Variants in KIAA0825 observed in about 807,000 individuals in gnomAD.
KIAA0825 encodes the protein KIAA0825, also known as uncharacterized protein KIAA0825.
KIAA0825 carries 119 observed loss-of-function variants against 147.6 expected under a neutral mutation model. The observed-to-expected ratio is 0.81, with a 90% CI of 0.69 to 0.94. The LOEUF is 0.94. KIAA0825 is among the 40% of genes least tolerant of loss of function. The pLI, the probability that KIAA0825 is intolerant of heterozygous loss-of-function variation, is 0.00. For synonymous variants in KIAA0825, 470 were observed against 518.1 expected (o/e 0.91, Z 1.26); for missense variants, 1,381 against 1,472.7 (o/e 0.94, Z 1.02).
At chr5:94,556,137 C>CAGAAT (rs1776505136) in intron 2 of KIAA0825, among the ~76,000 whole-genome samples, 1 of 151,888 alleles carries the variant, frequency 6.6e-6, no homozygotes, top group African/African-American at 2.4e-5. Flanking sequence ...ACTGTAACCT[C>CAGAAT]CGCCTCCTGG....
chr5:94,572,232 G>A (rs1429861084), intron 2 of KIAA0825, among the ~76,000 whole-genome samples: 1 of 152,212 alleles, frequency 6.6e-6, no homozygotes, highest in Non-Finnish European at 1.5e-5. Context: ...AGCAGGGCTG[G>A]CAGCATTAAG....
Position 94,520,387 on chromosome 5 carries a change from T to G in KIAA0825, c.831A>C (p.Glu277Asp). 6.2e-7 allele frequency: 1 copy of G among 1,613,396 alleles called. No homozygotes were observed. The highest frequency in any genetic ancestry group is 8.5e-7 in the Non-Finnish European group (1 of 1,179,438). The change falls in exon 5 of 21, where the codon GAA (glutamate) becomes GAC (aspartate). Residue 277 changes from glutamate to aspartate, a missense_variant. Glu to Asp is a conservative substitution (Grantham distance 45, BLOSUM62 2). Transcript: ENST00000682413. ...APSSMVKFIK[E>D]TYLDTVTEEM... ...CTTCTGTAACAGTATCCAGGTAAGT[T>G]TCTTTAATGAATTTCACCATTGAAG...
chr5:94,240,627 A>G (rs973224693), intron 20 of KIAA0825, among the ~76,000 whole-genome samples: 3 of 152,188 alleles, frequency 2.0e-5, no homozygotes, highest in African/African-American at 7.2e-5. Context: ...TCAAAACAGA[A>G]TGGATTAATC....
At chr5:94,449,912 C>T (rs969490672) in intron 13 of KIAA0825, among the ~76,000 whole-genome samples, 6 of 151,962 alleles carry the variant, frequency 3.9e-5, no homozygotes, top group African/African-American at 1.5e-4. Context: ...AACCCTGTCT[C>T]TACTAAAAAT....
At chr5:94,309,614 A>G (rs920832173) in intron 20 of KIAA0825, among the ~76,000 whole-genome samples, 4 of 151,756 alleles carry the variant, frequency 2.6e-5, no homozygotes, top group Non-Finnish European at 4.4e-5. Context: ...TGAGCCTTCA[A>G]TAACAATCAC....
intron 5 of KIAA0825, among the ~76,000 whole-genome samples, chr5:94,496,842 T>A (rs1764426626): frequency 6.6e-6 from 1 of 152,086 alleles, no homozygotes; most frequent in Non-Finnish European, 1.5e-5. Context: ...GGGTATTAAA[T>A]GAAAATGCTA....
At chr5:94,208,004 T>A (rs1216981688) in intron 20 of KIAA0825, among the ~76,000 whole-genome samples, 1 of 152,222 alleles carries the variant, frequency 6.6e-6, no homozygotes, top group Non-Finnish European at 1.5e-5. Flanking sequence ...TTTTGTTTTT[T>A]TAAGCCCATG....
chr5:94,589,400 C>T (rs958064700), intron 1 of KIAA0825, among the ~76,000 whole-genome samples: 2 of 152,148 alleles, frequency 1.3e-5, no homozygotes, highest in African/African-American at 4.8e-5. Flanking sequence ...CATTGCCTTT[C>T]CATATAATTT....
intron 2 of KIAA0825, among the ~76,000 whole-genome samples, chr5:94,578,974 C>G (rs967480127): frequency 1.3e-5 from 2 of 152,140 alleles, no homozygotes; most frequent in African/African-American, 2.4e-5. Flanking sequence ...GGCTGGAGTA[C>G]AGTGGCATGG....
At chr5:94,302,580 T>A (rs1035443399) in intron 20 of KIAA0825, among the ~76,000 whole-genome samples, 2 of 152,184 alleles carry the variant, frequency 1.3e-5, no homozygotes, top group Non-Finnish European at 2.9e-5. Flanking sequence ...AATCCATTTC[T>A]CATCTGGTTG....
intron 2 of KIAA0825, among the ~76,000 whole-genome samples, chr5:94,562,441 C>T (rs1777720736): frequency 6.6e-6 from 1 of 152,198 alleles, no homozygotes; most frequent in Non-Finnish European, 1.5e-5. Context: ...ATCCAAGCTG[C>T]AAATAATAGA....
chr5:94,189,538 C>T (rs1770471596), intron 20 of KIAA0825, among the ~76,000 whole-genome samples: 1 of 151,748 alleles, frequency 6.6e-6, no homozygotes, highest in Admixed American at 6.6e-5. Context: ...TGTTTTTTTC[C>T]TCCATTGAAA....
intron 20 of KIAA0825, among the ~76,000 whole-genome samples, chr5:94,373,403 G>A (rs1476127946): frequency 6.6e-6 from 1 of 152,096 alleles, no homozygotes; most frequent in Non-Finnish European, 1.5e-5. Context: ...TTATAAAGGA[G>A]AAAATCTTTT....
At chr5:94,307,675 A>G (rs371337558) in intron 20 of KIAA0825, among the ~76,000 whole-genome samples, 22 of 151,662 alleles carry the variant, frequency 1.5e-4, no homozygotes, top group African/African-American at 5.1e-4. Context: ...TCTTCCTTCA[A>G]ATTGCAGGTC....
At chr5:94,237,415 A>G (rs1583937891) in intron 20 of KIAA0825, among the ~76,000 whole-genome samples, 1 of 152,324 alleles carries the variant, frequency 6.6e-6, no homozygotes. Context: ...GGGAACAACT[A>G]CAAAGGCTGC....
At chr5:94,391,718 A>G (rs1749921213) in intron 17 of KIAA0825, 24 bp from the exon 18 acceptor site, 6 of 1,484,914 alleles carry the variant, frequency 4.0e-6, no homozygotes, top group Middle Eastern at 1.8e-4. Context: ...AAGCATATAC[A>G]TATCAGTAGT....
At chr5:94,170,263 C>T (rs1562293780) in intron 20 of KIAA0825, among the ~76,000 whole-genome samples, 2 of 152,112 alleles carry the variant, frequency 1.3e-5, no homozygotes, top group Admixed American at 1.3e-4. Flanking sequence ...CACGCCACTG[C>T]ACTGCAGCCT....
intron 2 of KIAA0825, among the ~76,000 whole-genome samples, chr5:94,563,271 T>A (rs1418323119): frequency 6.6e-6 from 1 of 150,620 alleles, no homozygotes; most frequent in Non-Finnish European, 1.5e-5. Flanking sequence ...GGCCAGGGAA[T>A]GGCGTGAACC....
intron 20 of KIAA0825, among the ~76,000 whole-genome samples, chr5:94,343,714 T>G (rs1280704845): frequency 1.3e-5 from 2 of 151,804 alleles, no homozygotes; most frequent in African/African-American, 2.4e-5. Flanking sequence ...AAAAAGAAAG[T>G]GAAAAGGCAA....
Sources: gnomAD v4.1 joint callset for allele counts (sites outside exome capture counted in the v4.1 genomes callset) on GRCh38, gnomAD v4.1.1 for gene constraint, MANE v1.5 for transcripts, NCBI Gene and HGNC (gene_info 2026-07-23, HGNC 2026-07-21) for gene names.